The following DMD variants were observed in gnomAD, a reference collection of about 807,000 sequenced individuals.
The protein encoded by DMD is dystrophin.
DMD carries 63 observed loss-of-function variants against 330.1 expected under a neutral mutation model. The ratio of observed to expected loss-of-function variants is 0.19; its 90% CI spans 0.16 to 0.24. DMD has a LOEUF of 0.24. Among genes scored for constraint, DMD ranks in the 10% least tolerant of loss-of-function variants. The pLI, the probability that DMD is intolerant of heterozygous loss-of-function variation, is 1.00. For synonymous variants in DMD, 1,223 were observed against 959.8 expected, an observed-to-expected ratio of 1.27 and a Z score of -5.07; for missense variants, 3,344 against 2,684.1, an observed-to-expected ratio of 1.25 and a Z score of -5.43.
intron 60 of DMD, among the ~76,000 whole-genome samples, chrX:31,443,545 A>AT (rs59880042): frequency 0.063 from 6,410 of 102,041 alleles, 411 homozygotes; most frequent in African/African-American, 0.19. Flanking sequence ...TTATTATCGC[A>AT]TTTTTTTTTT....
chrX:32,668,863 T>C (rs1316717589), intron 9 of DMD, among the ~76,000 whole-genome samples: 1 of 111,047 alleles, frequency 9.0e-6, no homozygotes, highest in Non-Finnish European at 1.9e-5. Context: ...TGGGAGTATG[T>C]TAGTTAAATA....
intron 7 of DMD, among the ~76,000 whole-genome samples, chrX:32,722,864 A>C (rs2066473077): frequency 9.0e-6 from 1 of 110,842 alleles, no homozygotes; most frequent in South Asian, 3.7e-4. Flanking sequence ...ATACGATCAT[A>C]CCATTTGCAA....
chrX:31,171,454 A>C (rs985798255), intron 73 of DMD, among the ~76,000 whole-genome samples: 1 of 108,011 alleles, frequency 9.3e-6, no homozygotes, highest in African/African-American at 3.3e-5. Context: ...CTTTGTCTAT[A>C]TTCTCCAAGA....
chrX:32,892,644 G>A (rs2085325671), intron 2 of DMD, among the ~76,000 whole-genome samples: 3 of 111,694 alleles, frequency 2.7e-5, no homozygotes, highest in South Asian at 3.7e-4. Flanking sequence ...TGATCCACCC[G>A]CCTCAGCCTC....
chrX:32,518,997 C>CTTTTTTTTTTT (rs56678455), intron 17 of DMD, among the ~76,000 whole-genome samples: 1 of 42,078 alleles, frequency 2.4e-5, no homozygotes, highest in Non-Finnish European at 3.9e-5. Context: ...ATTTTCAAAC[C>CTTTTTTTTTTT]TTTTTTTTTT....
At chrX:32,550,870 C>T (rs1012626396) in intron 16 of DMD, among the ~76,000 whole-genome samples, 1 of 111,090 alleles carries the variant, frequency 9.0e-6, no homozygotes, top group East Asian at 2.8e-4. Flanking sequence ...CCTATGCACA[C>T]AAGCTAGAAA....
chrX:32,424,853 T>C (rs1184327696), intron 29 of DMD, among the ~76,000 whole-genome samples: 1 of 109,661 alleles, frequency 9.1e-6, no homozygotes, highest in Non-Finnish European at 1.9e-5. Flanking sequence ...ACCAGATGAA[T>C]GACTTGCAAA....
rs190007282 is a variant in DMD, at chrX:31,917,742, C to T, written c.6912+11854G>A. On this transcript the variant is annotated intron_variant, in intron 47 of 78. Coordinates refer to ENST00000357033, the MANE Select transcript of DMD (RefSeq NM_004006.3). Reference sequence around the variant, plus strand: ...ATTCAGTCATTCATTTTCCAAGCCACGTATTCCAGTTCAGGGACTTGGGAG... The same window carrying T: ...ATTCAGTCATTCATTTTCCAAGCCATGTATTCCAGTTCAGGGACTTGGGAG... Among the ~76,000 whole-genome samples the T allele has an allele frequency of 5.4e-3, 607 of 112,516 alleles. 3 individuals are homozygous for T. Among genetic ancestry groups the T allele is most frequent in the African/African-American group, 0.018 (550 of 30,939 alleles).
intron 1 of DMD, among the ~76,000 whole-genome samples, chrX:33,290,418 G>T (rs1044108776): frequency 3.6e-5 from 4 of 110,846 alleles, no homozygotes; most frequent in Admixed American, 1.9e-4. Flanking sequence ...TCTCATAAGC[G>T]GCTCCTTATT....
intron 60 of DMD, among the ~76,000 whole-genome samples, chrX:31,427,176 T>A (rs2063765906): frequency 8.9e-6 from 1 of 111,883 alleles, no homozygotes; most frequent in Non-Finnish European, 1.9e-5. Context: ...CCCCACCATA[T>A]ACCCGATAAC....
chrX:31,512,258 C>T (rs1406407347), intron 55 of DMD, among the ~76,000 whole-genome samples: 4 of 107,514 alleles, frequency 3.7e-5, no homozygotes, highest in Admixed American at 2.0e-4. Context: ...GAGTAGGTTG[C>T]GAAAATTTTC....
intron 7 of DMD, among the ~76,000 whole-genome samples, chrX:32,777,276 T>TGGGGGGGGGGGGGGGGGGGG (rs1373161447): frequency 8.1e-3 from 4 of 494 alleles, no homozygotes; most frequent in African/African-American, 0.018. Context: ...TGGTTTCTGG[T>TGGGGGGGGGGGGGGGGGGGG]TGGGGGGGGA....
chrX:32,906,822 A>G (rs1006970493), intron 2 of DMD, among the ~76,000 whole-genome samples: 2 of 111,436 alleles, frequency 1.8e-5, no homozygotes, highest in African/African-American at 6.5e-5. Context: ...CAGAAGTGTC[A>G]AAGTTGAGAG....
chrX:31,324,703 A>G (rs2056653868), intron 61 of DMD, among the ~76,000 whole-genome samples: 1 of 112,138 alleles, frequency 8.9e-6, no homozygotes, highest in Non-Finnish European at 1.9e-5. Flanking sequence ...TAATAATTTG[A>G]AGCACAGCTG....
intron 43 of DMD, among the ~76,000 whole-genome samples, chrX:32,243,587 G>A (rs898306150): frequency 2.7e-5 from 3 of 111,501 alleles, no homozygotes; most frequent in African/African-American, 9.8e-5. Flanking sequence ...CATTATACAG[G>A]TAACAAACCC....
At chrX:32,811,960 G>A (rs373353288) in intron 6 of DMD, among the ~76,000 whole-genome samples, 1 of 111,932 alleles carries the variant, frequency 8.9e-6, no homozygotes, top group Non-Finnish European at 1.9e-5. Flanking sequence ...TCACAGGCCT[G>A]GCTCCATTGG....
chrX:31,499,410 A>T (rs2070197433), intron 56 of DMD, among the ~76,000 whole-genome samples: 1 of 110,050 alleles, frequency 9.1e-6, no homozygotes, highest in Non-Finnish European at 1.9e-5. Flanking sequence ...AATGGTGCTG[A>T]CTCATTATTA....
At chrX:32,085,017 T>TCTTAAGTG (rs1230426426) in intron 44 of DMD, among the ~76,000 whole-genome samples, 2 of 111,219 alleles carry the variant, frequency 1.8e-5, no homozygotes, top group African/African-American at 6.5e-5. Context: ...TTAGCACGTG[T>TCTTAAGTG]CTTAAGTGTT....
intron 2 of DMD, among the ~76,000 whole-genome samples, chrX:33,015,231 T>A (rs1372167315): frequency 8.9e-6 from 1 of 111,791 alleles, no homozygotes; most frequent in African/African-American, 3.3e-5. Flanking sequence ...ATTGCAGCAC[T>A]ATTTACAATA....
Sources: allele counts gnomAD v4.1 joint callset (sites outside exome capture counted in the v4.1 genomes callset), GRCh38; gene constraint gnomAD v4.1.1; transcripts MANE v1.5; gene names NCBI Gene and HGNC (gene_info 2026-07-23, HGNC 2026-07-21).